TIMP3: variants seen among roughly 807,000 people sequenced by gnomAD.
The protein encoded by TIMP3 is TIMP metallopeptidase inhibitor 3.
A neutral mutation model predicts 30.0 loss-of-function variants in TIMP3; 11 were observed. The ratio of observed to expected loss-of-function variants is 0.37; its 90% CI spans 0.23 to 0.61. The LOEUF is 0.61. TIMP3 is among the 20% of genes least tolerant of loss of function. The pLI is 0.70. For synonymous variants in TIMP3, 112 were observed against 111.3 expected, an observed-to-expected ratio of 1.01 and a Z score of -0.04; for missense variants, 181 against 276.8, an observed-to-expected ratio of 0.65 and a Z score of 2.45.
In TIMP3 at chr22:32,857,605, C is replaced by T. The variant is rs535068044; in HGVS notation, c.316+245C>T. ...AATCTCCTAATTTGTAGCTTCTCAA[C>T]TTTACTGTAAATAAAAAGGGAGTAT... On this transcript the variant is annotated intron_variant, in intron 3 of 4. Coordinates refer to ENST00000266085, the MANE Select transcript of TIMP3 (RefSeq NM_000362.5). 1.5e-4 allele frequency among the ~76,000 whole-genome samples: 23 copies of T among 152,356 alleles called. No individual in the cohort carries two copies. The South Asian group carries it at 4.8e-3, about 32-fold the overall frequency.
chr22:32,859,896 T>C lies in TIMP3; in HGVS notation c.*519T>C, dbSNP rs1215280204. 1 of 167,936 alleles carries C rather than the reference T, an allele frequency of 6.0e-6. No individual in the cohort carries two copies. The highest frequency in any genetic ancestry group is 5.7e-5 in the Admixed American group (1 of 17,464). 10.4% of individuals were successfully genotyped at this position (167,936 alleles called of 1,614,324 possible). On this transcript the variant is annotated 3_prime_UTR_variant, in exon 5 of 5. Transcript: ENST00000266085. The stretch of plus-strand genomic sequence containing the variant: ...GACTCAAGGTGTGTGAAAGATGTTA[T>C]ACACCAGGAGCTGCCACTGCATGTC...
In TIMP3 at chr22:32,859,224, C is replaced by T. The variant is rs201199240; in HGVS notation, c.483C>T (p.Asn161=). 86 of 1,614,152 alleles carry T rather than the reference C, an allele frequency of 5.3e-5. No homozygotes were observed. Among genetic ancestry groups the T allele is most frequent in the East Asian group, 6.7e-5 (3 of 44,872 alleles). Reference sequence around the variant, plus strand: ...TGCCTTGCTTTGTGACTTCCAAGAACGAGTGTCTCTGGACCGACATGCTCT... The same window carrying T: ...TGCCTTGCTTTGTGACTTCCAAGAATGAGTGTCTCTGGACCGACATGCTCT... ...YYLPCFVTSK[N]ECLWTDMLSN... The change falls in exon 5 of 5, where the codon AAC becomes AAT. Residue 161 remains asparagine, a synonymous_variant. Transcript: ENST00000266085.
intron 1 of TIMP3, among the ~76,000 whole-genome samples, chr22:32,845,589 A>G (rs1018385305): frequency 9.2e-5 from 14 of 152,012 alleles, no homozygotes; most frequent in African/African-American, 3.4e-4. Context: ...CCAGCACCCA[A>G]CCCAATGTTC....
chr22:32,844,585 A>G (rs1051367122), intron 1 of TIMP3, among the ~76,000 whole-genome samples: 14 of 152,214 alleles, frequency 9.2e-5, no homozygotes, highest in African/African-American at 3.4e-4. Flanking sequence ...AGAGGGCCCC[A>G]TATATATTTA....
intron 1 of TIMP3, among the ~76,000 whole-genome samples, chr22:32,814,895 C>T (rs189811674): frequency 5.0e-4 from 76 of 151,898 alleles, no homozygotes; most frequent in East Asian, 1.4e-3. Flanking sequence ...TTTAAAAAAA[C>T]GAGGAAAAAG....
chr22:32,834,778 G>A (rs946378041), intron 1 of TIMP3, among the ~76,000 whole-genome samples: 1 of 152,164 alleles, frequency 6.6e-6, no homozygotes, highest in Non-Finnish European at 1.5e-5. Context: ...ATTCCTATCT[G>A]GTACAGGGTA....
chr22:32,836,040 T>C (rs1212272293), intron 1 of TIMP3, among the ~76,000 whole-genome samples: 1 of 152,246 alleles, frequency 6.6e-6, no homozygotes, highest in Non-Finnish European at 1.5e-5. Flanking sequence ...TATTTAGTAG[T>C]AGAAAGAAGA....
At position 32,837,916 on chromosome 22, in the gene TIMP3, G is replaced by A. The variant is rs925626234; in HGVS notation, c.122-11536G>A. 1.3e-5 allele frequency among the ~76,000 whole-genome samples: 2 copies of A among 152,164 alleles called. No homozygotes were observed. The highest frequency in any genetic ancestry group is 2.9e-5 in the Non-Finnish European group (2 of 68,030). On this transcript the variant is annotated intron_variant, in intron 1 of 4. Coordinates refer to ENST00000266085, the MANE Select transcript of TIMP3 (RefSeq NM_000362.5). This position sits in a 1 kb window ranked among gnomAD's most constrained non-coding sequence, Gnocchi z 4.1. The stretch of plus-strand genomic sequence containing the variant: ...ATGGGCTGGACTCTCCAGCCTCCGG[G>A]CCTCTGCCCAACCATGACCAGAAGG...
At chr22:32,810,525 G>T (rs130276) in intron 1 of TIMP3, among the ~76,000 whole-genome samples, 1 of 142,470 alleles carries the variant, frequency 7.0e-6, no homozygotes, top group Non-Finnish European at 1.5e-5. Context: ...ATGATTGGGC[G>T]GGGGGTGGGT....
At chr22:32,828,852 A>G (rs1473068512) in intron 1 of TIMP3, among the ~76,000 whole-genome samples, 1 of 152,130 alleles carries the variant, frequency 6.6e-6, no homozygotes, top group Non-Finnish European at 1.5e-5. Flanking sequence ...TGAAGAGTAT[A>G]TCAGCCAAGC....
intron 1 of TIMP3, among the ~76,000 whole-genome samples, chr22:32,847,656 C>A (rs2048105943): frequency 6.6e-6 from 1 of 152,060 alleles, no homozygotes; most frequent in South Asian, 2.1e-4. Context: ...GTGGAGCATC[C>A]ACAATGAGGA....
chr22:32,851,163 C>A (rs368290813), intron 2 of TIMP3, among the ~76,000 whole-genome samples: 7 of 152,146 alleles, frequency 4.6e-5, no homozygotes, highest in African/African-American at 1.4e-4. Context: ...CACTTTGCAA[C>A]CTCTGGCAGA....
chr22:32,846,582 T>C (rs1363579508), intron 1 of TIMP3, among the ~76,000 whole-genome samples: 1 of 152,202 alleles, frequency 6.6e-6, no homozygotes, highest in Non-Finnish European at 1.5e-5. Flanking sequence ...ATCATTCCCA[T>C]CTTACAGATT....
chr22:32,806,074 G>A (rs2046727144), intron 1 of TIMP3, among the ~76,000 whole-genome samples: 1 of 151,782 alleles, frequency 6.6e-6, no homozygotes, highest in Non-Finnish European at 1.5e-5. Flanking sequence ...GTGGCCCAAG[G>A]AGAAGTAAGG....
chr22:32,857,991 C>G, intron 3 of TIMP3, 26 bp from the exon 4 acceptor site: 1 of 1,614,108 alleles, frequency 6.2e-7, no homozygotes, highest in Non-Finnish European at 8.5e-7. Flanking sequence ...AACAACCTCT[C>G]CTTGTTTTCT....
chr22:32,814,686 G>A (rs1442419995), intron 1 of TIMP3, among the ~76,000 whole-genome samples: 1 of 152,110 alleles, frequency 6.6e-6, no homozygotes, highest in Non-Finnish European at 1.5e-5. Context: ...GTTAACATCT[G>A]GATTTTATTT....
intron 1 of TIMP3, among the ~76,000 whole-genome samples, chr22:32,847,244 G>C (rs2048091763): frequency 6.6e-6 from 1 of 152,166 alleles, no homozygotes; most frequent in Non-Finnish European, 1.5e-5. Flanking sequence ...TAATATGGAG[G>C]AAACAGTCCC....
rs371758873 is a variant in TIMP3, at chr22:32,857,365, T to C, written c.316+5T>C. On this transcript the variant is annotated splice_donor_5th_base_variant and intron_variant, in intron 3 of 4. Transcript: ENST00000266085. ...AGTACCAGTACCTGCTGACAGGTAA[T>C]GGCCAACTCTAGCTTCTAGGCCAGG... 232 of 1,610,158 alleles carry C rather than the reference T, an allele frequency of 1.4e-4. No homozygotes were observed. Among genetic ancestry groups the C allele is most frequent in the Non-Finnish European group, 1.9e-4 (221 of 1,176,534 alleles).
chr22:32,850,037 C>A (rs137899770), intron 2 of TIMP3, among the ~76,000 whole-genome samples: 10 of 151,204 alleles, frequency 6.6e-5, no homozygotes, highest in African/African-American at 2.2e-4. Flanking sequence ...ATCACAGGAA[C>A]CTCATCCCAA....
Sources: gnomAD v4.1 joint callset for allele counts (sites outside exome capture counted in the v4.1 genomes callset) on GRCh38, gnomAD v4.1.1 for gene constraint, Gnocchi (gnomAD v3.1) non-coding constraint, MANE v1.5 for transcripts, NCBI Gene and HGNC (gene_info 2026-07-23, HGNC 2026-07-21) for gene names.